Variants in ZNF256 observed in about 807,000 individuals in gnomAD.
ZNF256 encodes zinc finger protein 256.
In ZNF256, 4 loss-of-function variants were observed where a neutral mutation model predicts 7.9. The observed-to-expected ratio is 0.50, with a 90% CI of 0.25 to 1.15. ZNF256 has a LOEUF of 1.15. ZNF256 is among the 50% of genes most tolerant of loss of function. The pLI, the probability that ZNF256 is intolerant of heterozygous loss-of-function variation, is 0.15. For missense variants in ZNF256, 666 were observed against 755.9 expected, an observed-to-expected ratio of 0.88 and a Z score of 1.39; for synonymous variants, 260 against 260.4, an observed-to-expected ratio of 1.00 and a Z score of 0.02.
chr19:57,944,144 C>A, intron 1 of ZNF256, 84 bp from the exon 2 acceptor site: 1 of 1,582,192 alleles, frequency 6.3e-7, no homozygotes, highest in Non-Finnish European at 8.6e-7. Flanking sequence ...TTACCCCATG[C>A]TCATCCTCTT....
chr19:57,941,223 T>TA lies in ZNF256; in HGVS notation c.1584dup (p.Ser529Ter). The TA allele has an allele frequency of 1.2e-6, 2 of 1,613,894 alleles. No homozygotes were observed. Among genetic ancestry groups the TA allele is most frequent in the Non-Finnish European group, 1.7e-6 (2 of 1,179,780 alleles). The stretch of plus-strand genomic sequence containing the variant: ...TGTCTAATGAGGCTGGAGCTCTGGC[T>TA]AAAAAACTTCCCACATTCATTGCAC... On this transcript the variant is annotated frameshift_variant, in exon 3 of 3. Transcript: ENST00000282308. LOFTEE classifies it low-confidence loss of function (END_TRUNC).
rs143973071 is a variant in ZNF256, at chr19:57,941,880, G to T, written c.928C>A (p.Leu310Ile). ...CGKLFNRKYD[L>I]LIHQRVHTGE... ...GTATGAACTCTCTGATGTATAAGAA[G>T]GTCATACTTCCTGTTAAATAATTTT... is the stretch of plus-strand genomic sequence containing the variant. The change falls in exon 3 of 3, where the codon CTT becomes ATT. Residue 310 changes from leucine (L) to isoleucine (I), a missense_variant. Physicochemically the swap from Leu to Ile is conservative, Grantham distance 5. Transcript: ENST00000282308. 7 of 1,614,168 alleles carry T rather than the reference G, an allele frequency of 4.3e-6. No individual in the cohort carries two copies. The highest frequency in any genetic ancestry group is 5.9e-6 in the Non-Finnish European group (7 of 1,180,022).
Position 57,941,017 on chromosome 19 carries a change from G to A in ZNF256, c.1791C>T (p.His597=), listed in dbSNP as rs1299258836. ...SSNLTNHQRI[H]SGERPYECSD... ...TACACTCATAAGGCCTTTCCCCACTGTGAATTCGCTGGTGATTAGTGAGGT... is the reference window on the plus strand; with the variant it reads ...TACACTCATAAGGCCTTTCCCCACTATGAATTCGCTGGTGATTAGTGAGGT... Residue 597 remains histidine, a synonymous_variant, in exon 3 of 3, where the codon CAC becomes CAT. Transcript: ENST00000282308. 2 of 1,614,052 alleles carry A rather than the reference G, an allele frequency of 1.2e-6. No homozygotes were observed. Among genetic ancestry groups the A allele is most frequent in the East Asian group, 2.2e-5 (1 of 44,898 alleles).
At chr19:57,942,950 A>G (rs568309670) in intron 2 of ZNF256, among the ~76,000 whole-genome samples, 2 of 152,352 alleles carry the variant, frequency 1.3e-5, no homozygotes, top group South Asian at 4.1e-4. Context: ...TCCTGCTAAC[A>G]CATGCATTGT....
chr19:57,941,555 T>C lies in ZNF256; in HGVS notation c.1253A>G (p.Tyr418Cys). Reference protein sequence around the residue: ...ECSECGKLFTYRSRFFQHQRV... With the variant: ...ECSECGKLFTCRSRFFQHQRV... ...CTGGTGTTGGAAGAAACGAGATCTATAAGTAAACAATTTCCCACATTCACT... is the reference window on the plus strand; with the variant it reads ...CTGGTGTTGGAAGAAACGAGATCTACAAGTAAACAATTTCCCACATTCACT... Residue 418 changes from tyrosine (Y) to cysteine (C), a missense_variant, in exon 3 of 3, where the codon TAT (tyrosine) becomes TGT (cysteine). By Grantham distance (194) the Tyr-to-Cys change is radical (BLOSUM62 -2). Coordinates refer to ENST00000282308, the MANE Select transcript of ZNF256 (RefSeq NM_005773.3). 1 of 1,614,114 alleles carries C rather than the reference T, an allele frequency of 6.2e-7. No individual in the cohort carries two copies. Among genetic ancestry groups the C allele is most frequent in the Non-Finnish European group, 8.5e-7 (1 of 1,180,036 alleles).
Position 57,942,145 on chromosome 19 carries a change from G to A in ZNF256, c.663C>T (p.Ser221=). 2 of 1,614,240 alleles carry A rather than the reference G, an allele frequency of 1.2e-6. No homozygotes were observed. Among genetic ancestry groups the A allele is most frequent in the Non-Finnish European group, 8.5e-7 (1 of 1,180,046 alleles). ...GGTGCTGAACACGTACATGTTTGTA[G>A]CTGAAAGCTTTCACACATTCTCCCC... ...YNWGECVKAF[S]YKHVRVQHQG... is the part of the protein sequence containing the mutation. The change falls in exon 3 of 3, where the codon AGC becomes AGT. Residue 221 remains serine, a synonymous_variant. Transcript: ENST00000282308.
rs1422398321 is a variant in ZNF256 at position 57,940,975 on chromosome 19, A to T, written c.1833T>A (p.Phe611Leu). The change falls in exon 3 of 3, where the codon TTT becomes TTA. Residue 611 changes from phenylalanine to leucine, a missense_variant. By Grantham distance (22) the Phe-to-Leu change is conservative (BLOSUM62 0). Transcript: ENST00000282308. ...TTAGGAGGTTGGAGTTGAAGGTAAA[A>T]AATTTTCCACAGTCACTACACTCAT... ...RPYECSDCGK[F>L]FTFNSNLLKH... 1.2e-6 allele frequency: 2 copies of T among 1,614,164 alleles called. No individual in the cohort carries two copies. The highest frequency in any genetic ancestry group is 1.7e-6 in the Non-Finnish European group (2 of 1,180,022).
chr19:57,944,951 G>A (rs1054790689), intron 1 of ZNF256, among the ~76,000 whole-genome samples: 9 of 146,976 alleles, frequency 6.1e-5, no homozygotes, highest in African/African-American at 1.8e-4. Context: ...TTGCTCTGTC[G>A]CCCAGGCTGG....
At chr19:57,942,670 G>A (rs1330763224) in intron 2 of ZNF256, 23 bp from the exon 3 acceptor site, 1 of 1,604,592 alleles carries the variant, frequency 6.2e-7, no homozygotes, top group African/African-American at 1.3e-5. Context: ...AAATGCTGGT[G>A]AAGAGCATGC....
intron 1 of ZNF256, among the ~76,000 whole-genome samples, chr19:57,944,297 G>C (rs1275338579): frequency 3.3e-5 from 5 of 152,192 alleles, no homozygotes; most frequent in Admixed American, 6.5e-5. Context: ...CTGTGGGCGT[G>C]GCATAAGGGC....
rs757432094 is a variant in ZNF256 at position 57,941,129 on chromosome 19, G to C, written c.1679C>G (p.Ser560Cys). 1 of 1,614,128 alleles carries C rather than the reference G, an allele frequency of 6.2e-7. No individual in the cohort carries two copies. Among genetic ancestry groups the C allele is most frequent in the South Asian group, 1.1e-5 (1 of 91,072 alleles). ...AACTCTTCGGTGTTTAACGAGGCTA[G>C]AGTGGTTACTAAAGGATTTCCAACA... ...SECWKSFSNH[S>C]SLVKHRRVHT... Residue 560 changes from serine to cysteine, a missense_variant, in exon 3 of 3, where the codon TCT becomes TGT. By Grantham distance (112) the Ser-to-Cys change is moderately radical. Transcript: ENST00000282308.
chr19:57,946,634 A>C (rs935369789), intron 1 of ZNF256, among the ~76,000 whole-genome samples: 7 of 152,052 alleles, frequency 4.6e-5, no homozygotes, highest in African/African-American at 9.7e-5. Context: ...TCAACCCCCC[A>C]GTTTGTGCCC....
chr19:57,943,985 A>T lies in ZNF256; in HGVS notation c.109T>A (p.Cys37Ser). 1 of 1,614,088 alleles carries T rather than the reference A, an allele frequency of 6.2e-7. No individual in the cohort carries two copies. The change falls in exon 2 of 3, where the codon TGC (cysteine) becomes AGC (serine). Residue 37 changes from cysteine to serine, a missense_variant. Physicochemically the swap from Cys to Ser is moderately radical, Grantham distance 112 (BLOSUM62 -1). Transcript: ENST00000282308. ...EWGLLDEAQK[C>S]LYHDVMLENL... ...TCCAGCATCACATCGTGGTACAGGC[A>T]TTTCTGAGCCTCATCAAGAAGACCC... is the stretch of plus-strand genomic sequence containing the variant.
intron 2 of ZNF256, among the ~76,000 whole-genome samples, chr19:57,943,475 T>A (rs960510033): frequency 6.6e-6 from 1 of 152,002 alleles, no homozygotes; most frequent in African/African-American, 2.4e-5. Context: ...CTGCACATGA[T>A]AGCCTACAGG....
chr19:57,941,546 C>T lies in ZNF256; in HGVS notation c.1262G>A (p.Arg421His), dbSNP rs754680577. 19 of 1,613,880 alleles carry T rather than the reference C, an allele frequency of 1.2e-5. No individual in the cohort carries two copies. The highest frequency in any genetic ancestry group is 2.2e-5 in the East Asian group (1 of 44,872). Residue 421 changes from arginine to histidine, a missense_variant, in exon 3 of 3, where the codon CGT becomes CAT. Coordinates refer to ENST00000282308, the MANE Select transcript of ZNF256 (RefSeq NM_005773.3). Reference protein sequence around the residue: ...ECGKLFTYRSRFFQHQRVHTG... With the variant: ...ECGKLFTYRSHFFQHQRVHTG... ...ATGAACTCTCTGGTGTTGGAAGAAA[C>T]GAGATCTATAAGTAAACAATTTCCC...
At chr19:57,943,540 C>G (rs1386965816) in intron 2 of ZNF256, among the ~76,000 whole-genome samples, 1 of 152,156 alleles carries the variant, frequency 6.6e-6, no homozygotes, top group Admixed American at 6.6e-5. Flanking sequence ...AAGAGCCACT[C>G]GTAGTCCACA....
rs1176936692 is a variant in ZNF256, at chr19:57,941,921, T to C, written c.887A>G (p.Gln296Arg). Residue 296 changes from glutamine (Q) to arginine (R), a missense_variant, in exon 3 of 3, where the codon CAA becomes CGA. Transcript: ENST00000282308. ...RRIHTGVRPH[Q>R]CDECGKLFNR... ...AAATAATTTTCCACATTCATCACAT[T>C]GATGAGGTCTTACTCCAGTGTGAAT... 1.2e-5 allele frequency: 19 copies of C among 1,614,238 alleles called. No homozygotes were observed. The highest frequency in any genetic ancestry group is 1.5e-5 in the Non-Finnish European group (18 of 1,180,046).
chr19:57,947,576 G>C lies in ZNF256; in HGVS notation c.-102C>G, dbSNP rs2072776521. On this transcript the variant is annotated 5_prime_UTR_variant, in exon 1 of 3. Coordinates refer to ENST00000282308, the MANE Select transcript of ZNF256 (RefSeq NM_005773.3). ...AGCCTCAGCCACGCCTCTGTGCAGCGGGGAAGACTCCTCTCGCGCCTTCTC... is the reference window on the plus strand; with the variant it reads ...AGCCTCAGCCACGCCTCTGTGCAGCCGGGAAGACTCCTCTCGCGCCTTCTC... 1.1e-5 allele frequency: 12 copies of C among 1,128,264 alleles called. No homozygotes were observed. Among genetic ancestry groups the C allele is most frequent in the African/African-American group, 1.6e-5 (1 of 62,246 alleles). The allele number at this position is 1,128,264 out of a possible 1,614,324, so 69.9% of individuals were successfully genotyped here.
At chr19:57,945,367 G>A (rs1480546940) in intron 1 of ZNF256, among the ~76,000 whole-genome samples, 4 of 152,178 alleles carry the variant, frequency 2.6e-5, no homozygotes, top group Admixed American at 2.6e-4. Context: ...GGAGGGGACT[G>A]GCTTGTTTGA....
Sources: allele counts gnomAD v4.1 joint callset (sites outside exome capture counted in the v4.1 genomes callset), GRCh38; gene constraint gnomAD v4.1.1; transcripts MANE v1.5; gene names NCBI Gene and HGNC (gene_info 2026-07-23, HGNC 2026-07-21).